FAT4: variants seen among roughly 807,000 people sequenced by gnomAD.
FAT4 encodes the protein protocadherin Fat 4.
Under a neutral mutation model 303.9 loss-of-function variants are expected in FAT4, and 84 were observed. The observed-to-expected ratio is 0.28, with a 90% CI of 0.23 to 0.33. The LOEUF is 0.33. FAT4 is among the 10% of genes least tolerant of loss of function. The pLI is 1.00. For synonymous variants in FAT4, 2,307 were observed against 2,298.8 expected (o/e 1.00, Z -0.10); for missense variants, 6,005 against 6,146.8 (o/e 0.98, Z 0.77).
intron 2 of FAT4, among the ~76,000 whole-genome samples, chr4:125,324,202 A>C (rs143427823): frequency 1.0e-3 from 159 of 152,318 alleles, no homozygotes; most frequent in African/African-American, 3.7e-3. Flanking sequence ...ATTATGTTAG[A>C]ATAGGCCATG....
chr4:125,364,166 G>A (rs922702445), intron 2 of FAT4, among the ~76,000 whole-genome samples: 3 of 151,508 alleles, frequency 2.0e-5, no homozygotes, highest in Non-Finnish European at 4.4e-5. Context: ...TCCACCCCAT[G>A]TGTGCCCTCA....
rs150894990 is a variant in FAT4 at position 125,449,394 on chromosome 4, G to C, written c.8384G>C (p.Arg2795Pro). ...TCCCCCTTAGGATACACAGTTACCC[G>C]TGTCACAACTTCTGATGAAGACATT... ...ENSPLGYTVTRVTTSDEDIGI... is the reference protein window; with the variant it reads ...ENSPLGYTVTPVTTSDEDIGI... The change falls in exon 10 of 18, where the codon CGT becomes CCT. Residue 2795 changes from arginine to proline, a missense_variant. By Grantham distance (103) the Arg-to-Pro change is moderately radical. Coordinates refer to ENST00000394329, the MANE Select transcript of FAT4 (RefSeq NM_001291303.3). 1 of 1,613,624 alleles carries C rather than the reference G, an allele frequency of 6.2e-7. No individual in the cohort carries two copies.
Position 125,452,431 on chromosome 4 carries a change from C to A in FAT4, c.11421C>A (p.Ser3807=), listed in dbSNP as rs753119459. 1 of 1,614,054 alleles carries A rather than the reference C, an allele frequency of 6.2e-7. No individual in the cohort carries two copies. The highest frequency in any genetic ancestry group is 1.1e-5 in the South Asian group (1 of 91,080). The change falls in exon 10 of 18, where the codon TCC becomes TCA. Residue 3807 remains serine (S), a synonymous_variant. Transcript: ENST00000394329. The part of the protein sequence containing the change: ...GVKVESVDHD[S]CVHGPCQNGG... ...AGGTGGAATCTGTGGATCATGACTC[C>A]TGTGTGCATGGCCCATGTCAGAATG...
intron 5 of FAT4, 110 bp downstream of exon 5, chr4:125,408,904 A>G (rs1578609915): frequency 1.8e-6 from 1 of 543,690 alleles, no homozygotes; most frequent in Non-Finnish European, 3.0e-6. Context: ...TTGTGAATAT[A>G]GGTTGGAAGT....
intron 12 of FAT4, among the ~76,000 whole-genome samples, chr4:125,470,870 G>A (rs1236359062): frequency 2.6e-5 from 4 of 152,108 alleles, no homozygotes; most frequent in Admixed American, 1.3e-4. Context: ...TTTACAGCTC[G>A]GCTAACTATT....
chr4:125,315,208 G>A lies in FAT4; in HGVS notation c.-782G>A, dbSNP rs1293466477. ...TCCAACCTTCGGCCCCGGCCGGCGA[G>A]AGGGAGAGCGCTGACAGGCGCCGTC... On this transcript the variant is annotated 5_prime_UTR_variant, in exon 1 of 18. Coordinates refer to ENST00000394329, the MANE Select transcript of FAT4 (RefSeq NM_001291303.3). Among the ~76,000 whole-genome samples the A allele has an allele frequency of 1.3e-5, 2 of 152,098 alleles. No homozygotes were observed. Among genetic ancestry groups the A allele is most frequent in the Non-Finnish European group, 2.9e-5 (2 of 68,018 alleles).
In FAT4 at chr4:125,473,617, C is replaced by A. The variant is rs1401336131; in HGVS notation, c.12214-2554C>A. Among the ~76,000 whole-genome samples the A allele has an allele frequency of 2.6e-5, 4 of 151,932 alleles. No individual in the cohort carries two copies. The East Asian group carries it at 7.7e-4, about 29-fold the overall frequency. ...ATGAGTAATAGTAGACATCACCTCA[C>A]CCCCATTCTCCACACATATGTAAGA... On this transcript the variant is annotated intron_variant, in intron 12 of 17. Coordinates refer to ENST00000394329, the MANE Select transcript of FAT4 (RefSeq NM_001291303.3).
intron 2 of FAT4, among the ~76,000 whole-genome samples, chr4:125,373,831 C>G (rs1733215570): frequency 6.6e-6 from 1 of 152,090 alleles, no homozygotes; most frequent in South Asian, 2.1e-4. Flanking sequence ...GCATTCATGC[C>G]TTCCTTTAAA....
At chr4:125,471,022 T>C (rs951097086) in intron 12 of FAT4, among the ~76,000 whole-genome samples, 71 of 152,190 alleles carry the variant, frequency 4.7e-4, no homozygotes, top group African/African-American at 1.6e-3. Context: ...TGTAGGGTTA[T>C]TCGTTGGCAT....
Position 125,317,717 on chromosome 4 carries a change from C to G in FAT4, c.1306C>G (p.Leu436Val). The change falls in exon 2 of 18, where the codon CTC (leucine) becomes GTC (valine). Residue 436 changes from leucine (L) to valine (V), a missense_variant. Physicochemically the swap from Leu to Val is conservative, Grantham distance 32. Transcript: ENST00000394329. The surrounding 1 kb of genome is among the most constrained non-coding windows in gnomAD (Gnocchi z 7.0). ...LDRERIPSYNLTVSVSDNYGA... is the reference protein window; with the variant it reads ...LDRERIPSYNVTVSVSDNYGA... ...CCGCGAGCGCATCCCTTCCTACAAC[C>G]TCACAGTTTCCGTCTCTGATAACTA... 1 of 1,614,126 alleles carries G rather than the reference C, an allele frequency of 6.2e-7. No individual in the cohort carries two copies. Among genetic ancestry groups the G allele is most frequent in the Non-Finnish European group, 8.5e-7 (1 of 1,180,032 alleles).
Position 125,319,821 on chromosome 4 carries a change from A to C in FAT4, c.3410A>C (p.Tyr1137Ser), listed in dbSNP as rs1164165971. The change falls in exon 2 of 18, where the codon TAT (tyrosine) becomes TCT (serine). Residue 1137 changes from tyrosine (Y) to serine (S), a missense_variant. Coordinates refer to ENST00000394329, the MANE Select transcript of FAT4 (RefSeq NM_001291303.3). ...TTTGGGCCAAATGGAGAAGTAAGGT[A>C]TTCTTTTGAAATGGTGCAGCCAGAT... ...KDFGPNGEVR[Y>S]SFEMVQPDFE... is the part of the protein sequence containing the mutation. 6.2e-7 allele frequency: 1 copy of C among 1,614,070 alleles called. No individual in the cohort carries two copies. The highest frequency in any genetic ancestry group is 8.5e-7 in the Non-Finnish European group (1 of 1,180,028).
At chr4:125,398,745 G>T in intron 2 of FAT4, 39 bp from the exon 3 acceptor site, 2 of 1,607,878 alleles carry the variant, frequency 1.2e-6, no homozygotes, top group Non-Finnish European at 1.7e-6. Context: ...TTGCAGACAC[G>T]TGGGAGTCAT....
chr4:125,461,448 C>G (rs1470153965), intron 10 of FAT4, among the ~76,000 whole-genome samples: 1 of 152,012 alleles, frequency 6.6e-6, no homozygotes, highest in Non-Finnish European at 1.5e-5. Context: ...GTACCCTCTA[C>G]ATTTGTTACT....
chr4:125,329,101 C>A (rs1731272817), intron 2 of FAT4, among the ~76,000 whole-genome samples: 1 of 152,158 alleles, frequency 6.6e-6, no homozygotes, highest in African/African-American at 2.4e-5. Flanking sequence ...TCTGTTATTT[C>A]TTCATTTTGC....
At chr4:125,380,041 A>G (rs1733481905) in intron 2 of FAT4, among the ~76,000 whole-genome samples, 1 of 151,894 alleles carries the variant, frequency 6.6e-6, no homozygotes, top group Non-Finnish European at 1.5e-5. Context: ...TTACAGGCAT[A>G]TGCCACCACA....
At chr4:125,341,996 T>C (rs1731816316) in intron 2 of FAT4, among the ~76,000 whole-genome samples, 2 of 151,978 alleles carry the variant, frequency 1.3e-5, no homozygotes, top group South Asian at 4.1e-4. Flanking sequence ...AAATGAATCC[T>C]TGAAGTCCTG....
At chr4:125,395,942 C>G (rs1455117025) in intron 2 of FAT4, among the ~76,000 whole-genome samples, 1 of 151,852 alleles carries the variant, frequency 6.6e-6, no homozygotes, top group Non-Finnish European at 1.5e-5. Context: ...GTAGTGATCC[C>G]CTAGTTTAGT....
At chr4:125,355,025 G>T (rs1398333241) in intron 2 of FAT4, among the ~76,000 whole-genome samples, 1 of 151,718 alleles carries the variant, frequency 6.6e-6, no homozygotes, top group Non-Finnish European at 1.5e-5. Flanking sequence ...TGAATATAGA[G>T]AAATTTAGTA....
intron 2 of FAT4, among the ~76,000 whole-genome samples, chr4:125,351,726 A>G (rs540725935): frequency 2.0e-4 from 31 of 151,858 alleles, no homozygotes; most frequent in South Asian, 1.2e-3. Flanking sequence ...TGATTTTTCA[A>G]AACTTGTTAC....
Sources: gnomAD v4.1 joint callset for allele counts (sites outside exome capture counted in the v4.1 genomes callset) on GRCh38, gnomAD v4.1.1 for gene constraint, Gnocchi (gnomAD v3.1) non-coding constraint, MANE v1.5 for transcripts, NCBI Gene and HGNC (gene_info 2026-07-23, HGNC 2026-07-21) for gene names.